Variants in LUZP2 observed in about 807,000 individuals in gnomAD.
LUZP2 encodes leucine zipper protein 2.
Under a neutral mutation model 51.6 loss-of-function variants are expected in LUZP2, and 52 were observed. The observed-to-expected ratio is 1.01, with a 90% confidence interval of 0.81 to 1.27. The LOEUF is 1.27. Among genes scored for constraint, LUZP2 ranks in the 50% most tolerant of loss-of-function variants. The pLI is 0.00. For synonymous variants in LUZP2, 154 were observed against 137.3 expected, an observed-to-expected ratio of 1.12 and a Z score of -0.85; for missense variants, 436 against 395.4, an observed-to-expected ratio of 1.10 and a Z score of -0.87.
chr11:24,913,558 A>G (rs1230675698), intron 6 of LUZP2, among the ~76,000 whole-genome samples: 1 of 152,060 alleles, frequency 6.6e-6, no homozygotes, highest in Non-Finnish European at 1.5e-5. Context: ...CATATGTTTA[A>G]TTTTATCAGA....
intron 1 of LUZP2, among the ~76,000 whole-genome samples, chr11:24,643,271 A>AG (rs1350368812): frequency 6.7e-6 from 1 of 150,092 alleles, no homozygotes; most frequent in East Asian, 2.0e-4. Context: ...AAAAAAAAAA[A>AG]AAAAAATTAG....
intron 10 of LUZP2, among the ~76,000 whole-genome samples, chr11:25,053,213 C>CA (rs1425856441): frequency 6.6e-6 from 1 of 151,938 alleles, no homozygotes; most frequent in African/African-American, 2.4e-5. Context: ...ACATGAGCCC[C>CA]AAATGTATGT....
chr11:25,067,945 G>A (rs1859044311), intron 10 of LUZP2, among the ~76,000 whole-genome samples: 1 of 152,022 alleles, frequency 6.6e-6, no homozygotes, highest in African/African-American at 2.4e-5. Flanking sequence ...ACTGGATAAA[G>A]AAAATGTGGC....
chr11:24,926,389 A>ATACGTGTGTATATATATG (rs1854255763), intron 7 of LUZP2, among the ~76,000 whole-genome samples: 2 of 40,682 alleles, frequency 4.9e-5, no homozygotes, highest in Non-Finnish European at 9.6e-5. Flanking sequence ...GTATATATAT[A>ATACGTGTGTATATATATG]CGTGTGTATA....
chr11:25,071,453 A>G (rs141702475), intron 10 of LUZP2, among the ~76,000 whole-genome samples: 2 of 152,130 alleles, frequency 1.3e-5, no homozygotes, highest in Non-Finnish European at 2.9e-5. Flanking sequence ...GAGTTTAAAT[A>G]TAAAGTTTAT....
intron 5 of LUZP2, among the ~76,000 whole-genome samples, chr11:24,793,919 A>T (rs1011807070): frequency 3.4e-5 from 5 of 146,034 alleles, no homozygotes; most frequent in African/African-American, 1.3e-4. Flanking sequence ...TATTCTGACT[A>T]ACCAATTATT....
chr11:24,711,681 C>A lies in LUZP2; in HGVS notation c.63-17488C>A, dbSNP rs576520574. 2.4e-4 allele frequency among the ~76,000 whole-genome samples: 36 copies of A among 152,180 alleles called. 1 individual carries two copies. Among genetic ancestry groups the A allele is most frequent in the African/African-American group, 7.9e-4 (33 of 41,532 alleles). Reference sequence around the variant, plus strand: ...GTAATTTGATTTCTTTATACACACACCGTCACACATACAACACATAATTTT... The same window carrying A: ...GTAATTTGATTTCTTTATACACACAACGTCACACATACAACACATAATTTT... On this transcript the variant is annotated intron_variant, in intron 1 of 11. Transcript: ENST00000336930.
At chr11:24,997,753 G>A (rs1237151880) in intron 9 of LUZP2, among the ~76,000 whole-genome samples, 1 of 152,100 alleles carries the variant, frequency 6.6e-6, no homozygotes, top group Non-Finnish European at 1.5e-5. Context: ...ATGGTTTTAG[G>A]TCTGACATTT....
chr11:24,738,296 G>A lies in LUZP2; in HGVS notation c.327G>A (p.Gln109=). 6.2e-7 allele frequency: 1 copy of A among 1,611,290 alleles called. No homozygotes were observed. The highest frequency in any genetic ancestry group is 8.5e-7 in the Non-Finnish European group (1 of 1,178,040). ...CATCAGAGAAAGCAGAAAAACACCA[G>A]GCTACTGTAAGTGTGTTTCTTCTTT... ...KETSEKAEKH[Q]ATINFLKTEV... is the part of the protein sequence containing the mutation. Residue 109 remains glutamine (Q), a synonymous_variant, in exon 4 of 12, where the codon CAG becomes CAA. Coordinates refer to ENST00000336930, the MANE Select transcript of LUZP2 (RefSeq NM_001009909.4).
chr11:25,045,625 G>A (rs2134015087), intron 9 of LUZP2, among the ~76,000 whole-genome samples: 1 of 149,900 alleles, frequency 6.7e-6, no homozygotes, highest in Middle Eastern at 3.4e-3. Context: ...AATTAAGTGA[G>A]CATGAAAAGG....
At chr11:25,071,437 T>A (rs1859155324) in intron 10 of LUZP2, among the ~76,000 whole-genome samples, 2 of 152,012 alleles carry the variant, frequency 1.3e-5, no homozygotes, top group East Asian at 1.9e-4. Context: ...AGGTGCTTTG[T>A]TGATCGAGTT....
intron 1 of LUZP2, among the ~76,000 whole-genome samples, chr11:24,607,707 T>C (rs1853976243): frequency 6.6e-6 from 1 of 152,102 alleles, no homozygotes; most frequent in Non-Finnish European, 1.5e-5. Context: ...TCGCATTGGA[T>C]CTGTTGGGGT....
At chr11:25,072,801 TTTTA>T (rs1859194192) in intron 10 of LUZP2, among the ~76,000 whole-genome samples, 1 of 150,140 alleles carries the variant, frequency 6.7e-6, no homozygotes, top group Non-Finnish European at 1.5e-5. Flanking sequence ...CAAACCCAAG[TTTTA>T]TTGGATAAAT....
chr11:24,609,243 A>G (rs1281945504), intron 1 of LUZP2, among the ~76,000 whole-genome samples: 1 of 152,202 alleles, frequency 6.6e-6, no homozygotes, highest in Non-Finnish European at 1.5e-5. Flanking sequence ...CTTCTAAAGA[A>G]GGAGTCATTT....
intron 1 of LUZP2, among the ~76,000 whole-genome samples, chr11:24,638,875 A>G (rs1220283532): frequency 2.0e-5 from 3 of 151,684 alleles, no homozygotes; most frequent in Non-Finnish European, 4.4e-5. Context: ...AACAAAGAAA[A>G]GACAATTAAT....
chr11:24,704,096 A>G (rs2133916172), intron 1 of LUZP2, among the ~76,000 whole-genome samples: 1 of 149,080 alleles, frequency 6.7e-6, no homozygotes, highest in Non-Finnish European at 1.5e-5. Context: ...TCCACCAGCA[A>G]CACACATATA....
At chr11:24,548,571 G>A (rs962938091) in intron 1 of LUZP2, among the ~76,000 whole-genome samples, 5 of 151,864 alleles carry the variant, frequency 3.3e-5, no homozygotes, top group Non-Finnish European at 5.9e-5. Flanking sequence ...GTGTGAGGAC[G>A]ATGAGAATTG....
At chr11:24,672,990 G>T (rs1339235838) in intron 1 of LUZP2, among the ~76,000 whole-genome samples, 1 of 152,114 alleles carries the variant, frequency 6.6e-6, no homozygotes, top group African/African-American at 2.4e-5. Flanking sequence ...ATTGTGAATG[G>T]CACATGCAAG....
At chr11:24,875,107 T>G (rs1009638054) in intron 5 of LUZP2, among the ~76,000 whole-genome samples, 9 of 151,980 alleles carry the variant, frequency 5.9e-5, no homozygotes, top group Non-Finnish European at 7.4e-5. Flanking sequence ...TTTTTTTATT[T>G]TATTATTATT....
Sources: allele counts gnomAD v4.1 joint callset (sites outside exome capture counted in the v4.1 genomes callset), GRCh38; gene constraint gnomAD v4.1.1; transcripts MANE v1.5; gene names NCBI Gene and HGNC (gene_info 2026-07-23, HGNC 2026-07-21).